XXYLT1: variants seen among roughly 807,000 people sequenced by gnomAD.
XXYLT1 encodes UDP-xylose:alpha-xyloside alpha-1,3-xylosyltransferase.
XXYLT1 carries 20 observed loss-of-function variants against 28.9 expected under a neutral mutation model. That is an observed-to-expected ratio of 0.69 (90% CI 0.49 to 1.00). The LOEUF (loss-of-function observed/expected upper bound fraction) is 1.00, where lower values mean the gene tolerates loss of function less well. Among genes scored for constraint, XXYLT1 ranks in the 50% least tolerant of loss-of-function variants. The probability of loss-of-function intolerance (pLI) is 0.00; values close to 1 mark genes in which losing one functional copy is unlikely to be tolerated. For missense variants in XXYLT1, 542 were observed against 560.1 expected (o/e 0.97, Z 0.33); for synonymous variants, 257 against 253.8 (o/e 1.01, Z -0.12).
chr3:195,146,148 G>A (rs377364398), intron 3 of XXYLT1, among the ~76,000 whole-genome samples: 15 of 152,360 alleles, frequency 9.8e-5, no homozygotes, highest in Admixed American at 4.6e-4. Flanking sequence ...GTCTGCACCT[G>A]AGATGGCCAT....
At chr3:195,238,877 T>G (rs1296792262) in intron 1 of XXYLT1, among the ~76,000 whole-genome samples, 1 of 152,182 alleles carries the variant, frequency 6.6e-6, no homozygotes, top group East Asian at 1.9e-4. Flanking sequence ...CTGTGTTCAC[T>G]AAGCAGGAAG....
At position 195,069,550 on chromosome 3, in the gene XXYLT1, T is replaced by G. The variant is rs1576989365; in HGVS notation, c.*165A>C. The G allele has an allele frequency of 1.0e-6, 1 of 981,892 alleles. No homozygotes were observed. 60.8% of individuals were successfully genotyped at this position (981,892 alleles called of 1,614,324 possible). ...AGTGCACAGGCCAGTCCTTGGCGGG[T>G]GGCCTCAGCACAGTGACCTGCCCGG... On this transcript the variant is annotated 3_prime_UTR_variant, in exon 4 of 4. Coordinates refer to ENST00000310380, the MANE Select transcript of XXYLT1 (RefSeq NM_152531.5).
Position 195,228,113 on chromosome 3 carries a change from C to T in XXYLT1, c.505-1257G>A, listed in dbSNP as rs960619122. ...TAAGAGTTCTGCAAGCGCCACCTCC[C>T]GCCACCATCTTCTCTGGTATGTGAC... On this transcript the variant is annotated intron_variant, in intron 1 of 3. Coordinates refer to ENST00000310380, the MANE Select transcript of XXYLT1 (RefSeq NM_152531.5). 7.9e-5 allele frequency among the ~76,000 whole-genome samples: 12 copies of T among 152,216 alleles called. 1 individual carries two copies. Among genetic ancestry groups the T allele is most frequent in the African/African-American group, 2.9e-4 (12 of 41,450 alleles).
intron 3 of XXYLT1, among the ~76,000 whole-genome samples, chr3:195,118,236 A>G (rs1342172520): frequency 6.6e-6 from 1 of 152,236 alleles, no homozygotes; most frequent in Non-Finnish European, 1.5e-5. Flanking sequence ...GATGCAGGCG[A>G]AGACCCCAAA....
chr3:195,124,341 G>T lies in XXYLT1; in HGVS notation c.785+32108C>A, dbSNP rs1718509158. On this transcript the variant is annotated intron_variant, in intron 3 of 3. Transcript: ENST00000310380. This position sits in a 1 kb window ranked among gnomAD's most constrained non-coding sequence, Gnocchi z 4.1. ...TCTACAGGAACTGACCAGATGGTTG[G>T]GGGCTGGACTGAGATGCTTCTGGGA... is the stretch of plus-strand genomic sequence containing the variant. Among the ~76,000 whole-genome samples the T allele has an allele frequency of 6.6e-6, 1 of 152,210 alleles. No individual in the cohort carries two copies. Among genetic ancestry groups the T allele is most frequent in the African/African-American group, 2.4e-5 (1 of 41,466 alleles).
chr3:195,129,364 C>T lies in XXYLT1; in HGVS notation c.785+27085G>A, dbSNP rs1423419262. Among the ~76,000 whole-genome samples the T allele has an allele frequency of 6.6e-6, 1 of 152,186 alleles. No individual in the cohort carries two copies. The highest frequency in any genetic ancestry group is 1.5e-5 in the Non-Finnish European group (1 of 68,024). On this transcript the variant is annotated intron_variant, in intron 3 of 3. Coordinates refer to ENST00000310380, the MANE Select transcript of XXYLT1 (RefSeq NM_152531.5). This position sits in a 1 kb window ranked among gnomAD's most constrained non-coding sequence, Gnocchi z 4.4. Reference sequence around the variant, plus strand: ...ACACAATTTTAGAATATTTTCATCACCTCAAAAAGAAATCTCGTACCCTTT... The same window carrying T: ...ACACAATTTTAGAATATTTTCATCATCTCAAAAAGAAATCTCGTACCCTTT...
chr3:195,212,833 G>A (rs1001542107), intron 2 of XXYLT1, among the ~76,000 whole-genome samples: 2 of 152,168 alleles, frequency 1.3e-5, no homozygotes, highest in African/African-American at 4.8e-5. Flanking sequence ...AGGCGTTTAG[G>A]CCCAGTTCCC....
intron 2 of XXYLT1, among the ~76,000 whole-genome samples, chr3:195,213,090 A>T (rs1723399371): frequency 6.6e-6 from 1 of 152,184 alleles, no homozygotes; most frequent in Non-Finnish European, 1.5e-5. Flanking sequence ...GTAAGTGAAT[A>T]ATTAAAATGG....
At chr3:195,163,520 G>A (rs1052229379) in intron 2 of XXYLT1, among the ~76,000 whole-genome samples, 16 of 152,172 alleles carry the variant, frequency 1.1e-4, no homozygotes, top group Non-Finnish European at 1.0e-4. Flanking sequence ...ACAATGATAG[G>A]ACTAATTCCT....
chr3:195,264,333 C>G (rs1725776640), intron 1 of XXYLT1, among the ~76,000 whole-genome samples: 1 of 152,262 alleles, frequency 6.6e-6, no homozygotes, highest in African/African-American at 2.4e-5. Flanking sequence ...AGGATAGTTA[C>G]TTGCTCAAAC....
At chr3:195,192,517 G>C (rs1219378000) in intron 2 of XXYLT1, among the ~76,000 whole-genome samples, 1 of 151,946 alleles carries the variant, frequency 6.6e-6, no homozygotes, top group Non-Finnish European at 1.5e-5. Context: ...AGACAAAAGA[G>C]AGCACAAGAA....
At chr3:195,087,690 C>G (rs573740623) in intron 3 of XXYLT1, among the ~76,000 whole-genome samples, 3 of 152,308 alleles carry the variant, frequency 2.0e-5, no homozygotes, top group African/African-American at 7.2e-5. Flanking sequence ...CCAAGATGGC[C>G]GAATAGGAAC....
At chr3:195,080,560 G>A (rs1453415952) in intron 3 of XXYLT1, among the ~76,000 whole-genome samples, 1 of 149,244 alleles carries the variant, frequency 6.7e-6, no homozygotes, top group African/African-American at 2.4e-5. Context: ...GGGGGGATGG[G>A]GGAGGGTTTG....
chr3:195,146,575 G>C (rs992577523), intron 3 of XXYLT1, among the ~76,000 whole-genome samples: 3 of 152,212 alleles, frequency 2.0e-5, no homozygotes, highest in South Asian at 4.1e-4. Flanking sequence ...ACAGAGTTTG[G>C]TCTATCCCAA....
At chr3:195,235,061 T>C (rs1218640820) in intron 1 of XXYLT1, among the ~76,000 whole-genome samples, 1 of 151,816 alleles carries the variant, frequency 6.6e-6, no homozygotes, top group African/African-American at 2.4e-5. Flanking sequence ...ACTCTTTCTT[T>C]TGTCTCCTCT....
chr3:195,112,502 ACC>A (rs1489630732), intron 3 of XXYLT1, among the ~76,000 whole-genome samples: 6 of 34,964 alleles, frequency 1.7e-4, no homozygotes, highest in Non-Finnish European at 5.2e-4. Flanking sequence ...ACATGCACAC[ACC>A]CACACACACC....
chr3:195,147,516 G>A (rs903562360), intron 3 of XXYLT1, among the ~76,000 whole-genome samples: 1 of 152,140 alleles, frequency 6.6e-6, no homozygotes, highest in Non-Finnish European at 1.5e-5. Context: ...GTTGCAGTGA[G>A]CCAAGATCAC....
chr3:195,265,393 C>G (rs556321393), intron 1 of XXYLT1, among the ~76,000 whole-genome samples: 184 of 151,508 alleles, frequency 1.2e-3, no homozygotes, highest in African/African-American at 4.1e-3. Flanking sequence ...AAAAAATGCA[C>G]AAGGTGATGG....
intron 3 of XXYLT1, among the ~76,000 whole-genome samples, chr3:195,093,347 GC>G (rs1295020099): frequency 1.8e-5 from 2 of 108,150 alleles, no homozygotes; most frequent in Non-Finnish European, 3.5e-5. Flanking sequence ...ATACTATGCA[GC>G]CATAAAAAAT....
Sources: allele counts gnomAD v4.1 joint callset (sites outside exome capture counted in the v4.1 genomes callset), GRCh38; gene constraint gnomAD v4.1.1; non-coding constraint Gnocchi (gnomAD v3.1); transcripts MANE v1.5; gene names NCBI Gene and HGNC (gene_info 2026-07-23, HGNC 2026-07-21).